Variants in LCOR observed in about 807,000 individuals in gnomAD.
The protein encoded by LCOR is ligand dependent nuclear receptor corepressor, also known as ligand-dependent corepressor.
A neutral mutation model predicts 64.4 loss-of-function variants in LCOR; 14 were observed. That is an observed-to-expected ratio of 0.22 (90% CI 0.14 to 0.34). The LOEUF is 0.34. Among genes scored for constraint, LCOR ranks in the 10% least tolerant of loss-of-function variants. The pLI is 1.00. For missense variants in LCOR, 1,686 were observed against 1,765.3 expected (o/e 0.96, Z 0.80); for synonymous variants, 643 against 642.5 (o/e 1.00, Z -0.01).
At chr10:96,892,284 T>C (rs1346960208) in intron 2 of LCOR, among the ~76,000 whole-genome samples, 1 of 152,218 alleles carries the variant, frequency 6.6e-6, no homozygotes, top group Non-Finnish European at 1.5e-5. Flanking sequence ...GTTAGGGGCA[T>C]ATATGTTTTT....
chr10:96,904,487 TGAAGCAGTGTTTTAGGAATAGCCTGAA>T (rs1294521479), intron 2 of LCOR, among the ~76,000 whole-genome samples: 9 of 152,168 alleles, frequency 5.9e-5, no homozygotes, highest in African/African-American at 2.2e-4. Context: ...GTGGCATCAT[TGAAGCAGTGTTTTAGGAATAGCCTGAA>T]GACATGGTGC....
chr10:96,872,919 A>G (rs764039768), intron 2 of LCOR, among the ~76,000 whole-genome samples: 7 of 151,394 alleles, frequency 4.6e-5, no homozygotes, highest in Admixed American at 6.6e-5. Context: ...AACAGTAACT[A>G]TGTTTTTTTA....
intron 7 of LCOR, among the ~76,000 whole-genome samples, chr10:96,970,583 T>C (rs892976938): frequency 6.7e-6 from 1 of 149,726 alleles, no homozygotes; most frequent in Non-Finnish European, 1.5e-5. Flanking sequence ...TAATGGATTG[T>C]AAGATCCTAA....
chr10:96,883,454 T>C (rs565341179), intron 2 of LCOR, among the ~76,000 whole-genome samples: 32 of 152,350 alleles, frequency 2.1e-4, no homozygotes, highest in African/African-American at 6.7e-4. Context: ...TCTTCCAAAG[T>C]GGTTGTACAA....
chr10:96,952,242 T>G, intron 7 of LCOR, 46 bp downstream of exon 7: 2 of 1,309,092 alleles, frequency 1.5e-6, no homozygotes, highest in Non-Finnish European at 2.2e-6. Context: ...TATAGATAAT[T>G]CATCAAAGGT....
chr10:96,966,144 A>G (rs951405653), intron 7 of LCOR, among the ~76,000 whole-genome samples: 2 of 148,666 alleles, frequency 1.3e-5, no homozygotes, highest in Admixed American at 1.3e-4. Flanking sequence ...TAAGAGAAGT[A>G]AAATGGAGAA....
At chr10:96,959,030 G>C (rs1468489731) in intron 7 of LCOR, 2 of 148,264 alleles carry the variant, frequency 1.3e-5, no homozygotes, top group African/African-American at 5.0e-5. Context: ...GTTAAATTTT[G>C]TGTTCAGAGT....
chr10:96,991,433 T>C lies in LCOR; in HGVS notation c.*6299T>C, dbSNP rs1848200038. 6.6e-6 allele frequency: 1 copy of C among 152,226 alleles called. No individual in the cohort carries two copies. The highest frequency in any genetic ancestry group is 2.1e-4 in the South Asian group (1 of 4,832). 9.4% of individuals were successfully genotyped at this position (152,226 alleles called of 1,614,324 possible). On this transcript the variant is annotated 3_prime_UTR_variant, in exon 8 of 8. Coordinates refer to ENST00000421806, the MANE Select transcript of LCOR (RefSeq NM_001346516.2). ...TTCATTTTTATGAATCAGAGTGAAC[T>C]TGACTGTGGTAGACATTCCATTAAC...
chr10:96,884,707 A>G (rs879701471), intron 2 of LCOR, among the ~76,000 whole-genome samples: 2 of 152,218 alleles, frequency 1.3e-5, no homozygotes, highest in Non-Finnish European at 2.9e-5. Context: ...CTGATATTGC[A>G]GGTCAGTGGA....
intron 4 of LCOR, among the ~76,000 whole-genome samples, chr10:96,936,560 AT>A (rs1414709291): frequency 6.6e-6 from 1 of 152,252 alleles, no homozygotes; most frequent in African/African-American, 2.4e-5. Context: ...AGTAAAAAGA[AT>A]TGGGGAATAC....
intron 5 of LCOR, among the ~76,000 whole-genome samples, chr10:96,945,427 CT>C (rs1192020248): frequency 6.6e-5 from 10 of 152,066 alleles, no homozygotes; most frequent in Non-Finnish European, 1.2e-4. Flanking sequence ...CATTAGATCC[CT>C]AGGCAGAATT....
intron 2 of LCOR, among the ~76,000 whole-genome samples, chr10:96,847,195 G>A (rs1461381427): frequency 6.6e-6 from 1 of 152,108 alleles, no homozygotes; most frequent in Admixed American, 6.5e-5. Flanking sequence ...AGTGAGCCAT[G>A]ATCATGCCGC....
At chr10:96,869,268 A>C (rs779713863) in intron 2 of LCOR, among the ~76,000 whole-genome samples, 2 of 152,124 alleles carry the variant, frequency 1.3e-5, no homozygotes, top group Non-Finnish European at 2.9e-5. Context: ...GGTGGAGTGC[A>C]GTGGCCTGAT....
At chr10:96,955,163 G>C (rs1472548543) in intron 7 of LCOR, 2 of 1,614,048 alleles carry the variant, frequency 1.2e-6, no homozygotes, top group Admixed American at 3.3e-5. Context: ...CTGGATTACA[G>C]AATCATGGAC....
At chr10:96,969,774 CTTTTTTTTTT>C (rs58881683) in intron 7 of LCOR, among the ~76,000 whole-genome samples, 3 of 124,108 alleles carry the variant, frequency 2.4e-5, no homozygotes, top group East Asian at 2.3e-4. Context: ...TTTTTTTTTT[CTTTTTTTTTT>C]TTTTTCTTTT....
rs952684114 is a variant in LCOR, at chr10:96,907,738, T to G, written c.-193T>G. 33 of 975,740 alleles carry G rather than the reference T, an allele frequency of 3.4e-5. No individual in the cohort carries two copies. Among genetic ancestry groups the G allele is most frequent in the Non-Finnish European group, 3.8e-5 (31 of 820,800 alleles). The allele number at this position is 975,740 out of a possible 1,614,324, so 60.4% of individuals were successfully genotyped here. A position where few individuals can be genotyped will look rare whatever the true frequency, so the allele number is the denominator to read the frequency against. On this transcript the variant is annotated 5_prime_UTR_variant, in exon 4 of 8. Transcript: ENST00000421806. ...GTTTATTCTGTTGCTTGAGAAGAGA[T>G]AAAGTAAAGGTAACTAAGAAGCCTG...
intron 2 of LCOR, among the ~76,000 whole-genome samples, chr10:96,855,469 TTG>T (rs767102920): frequency 3.9e-5 from 6 of 152,080 alleles, no homozygotes; most frequent in Non-Finnish European, 8.8e-5. Context: ...AGTTTCGCTC[TTG>T]TTGCCCAGGC....
chr10:96,832,934 G>T, intron 1 of LCOR: 2 of 954,280 alleles, frequency 2.1e-6, no homozygotes, highest in Non-Finnish European at 2.5e-6. Context: ...GGCTGCAGGC[G>T]GGCGCCCGGC....
Position 96,988,325 on chromosome 10 carries a change from C to A in LCOR, c.*3191C>A, listed in dbSNP as rs1848166295. The A allele has an allele frequency of 6.6e-6, 1 of 152,214 alleles. No individual in the cohort carries two copies. The highest frequency in any genetic ancestry group is 1.5e-5 in the Non-Finnish European group (1 of 68,048). The allele number at this position is 152,214 out of a possible 1,614,324, so 9.4% of individuals were successfully genotyped here. On this transcript the variant is annotated 3_prime_UTR_variant, in exon 8 of 8. Transcript: ENST00000421806. Reference sequence around the variant, plus strand: ...GAATGCTGTCAGTTTCTGTAAGTCACCAGTCACTAGCCCCTTGGATTCCTT... The same window carrying A: ...GAATGCTGTCAGTTTCTGTAAGTCAACAGTCACTAGCCCCTTGGATTCCTT...
Sources: gnomAD v4.1 joint callset for allele counts (sites outside exome capture counted in the v4.1 genomes callset) on GRCh38, gnomAD v4.1.1 for gene constraint, MANE v1.5 for transcripts, NCBI Gene and HGNC (gene_info 2026-07-23, HGNC 2026-07-21) for gene names.